CSMD1: variants seen among roughly 807,000 people sequenced by gnomAD.
CSMD1 encodes CUB and sushi domain-containing protein 1.
CSMD1 carries 213 observed loss-of-function variants against 417.5 expected under a neutral mutation model. The ratio of observed to expected loss-of-function variants is 0.51; its 90% CI spans 0.46 to 0.57. CSMD1 has a LOEUF of 0.57. Among genes scored for constraint, CSMD1 ranks in the 20% least tolerant of loss-of-function variants. CSMD1 has a pLI of 0.00. For synonymous variants in CSMD1, 2,862 were observed against 1,736.8 expected, an observed-to-expected ratio of 1.65 and a Z score of -16.11; for missense variants, 6,923 against 4,529.7, an observed-to-expected ratio of 1.53 and a Z score of -15.17.
intron 49 of CSMD1, among the ~76,000 whole-genome samples, chr8:3,055,558 C>G (rs1404470629): frequency 6.6e-6 from 1 of 152,136 alleles, no homozygotes; most frequent in Non-Finnish European, 1.5e-5. Context: ...CAAAATTTTG[C>G]ATGATTGCTA....
intron 10 of CSMD1, among the ~76,000 whole-genome samples, chr8:3,554,040 G>C (rs904147724): frequency 9.2e-5 from 14 of 152,154 alleles, no homozygotes; most frequent in African/African-American, 3.1e-4. Context: ...AAACATTATA[G>C]TTTTGAAAGA....
intron 4 of CSMD1, among the ~76,000 whole-genome samples, chr8:4,020,087 C>T (rs557673408): frequency 6.6e-6 from 1 of 152,084 alleles, no homozygotes; most frequent in African/African-American, 2.4e-5. Context: ...ATTATAGCAG[C>T]TGATATTTTT....
intron 5 of CSMD1, among the ~76,000 whole-genome samples, chr8:3,945,758 T>C (rs1359907019): frequency 2.0e-5 from 3 of 152,080 alleles, no homozygotes; most frequent in African/African-American, 7.2e-5. Context: ...AGAAATGGGC[T>C]GGAACTGGAG....
At chr8:4,663,298 G>T (rs550037229) in intron 1 of CSMD1, among the ~76,000 whole-genome samples, 2 of 152,152 alleles carry the variant, frequency 1.3e-5, no homozygotes, top group East Asian at 3.9e-4. Flanking sequence ...AGCAAACATT[G>T]GACAAAGCCC....
chr8:4,788,501 G>C, intron 1 of CSMD1: 3 of 1,365,380 alleles, frequency 2.2e-6, no homozygotes, highest in Non-Finnish European at 3.1e-6. Context: ...CAACCATTTA[G>C]TATGGAGCAA....
At chr8:3,324,847 G>T (rs17079975) in intron 23 of CSMD1, among the ~76,000 whole-genome samples, 2 of 152,034 alleles carry the variant, frequency 1.3e-5, no homozygotes. Flanking sequence ...GATCTTTGCA[G>T]ATTTCAAGCT....
At chr8:3,675,606 T>C (rs1051165561) in intron 7 of CSMD1, among the ~76,000 whole-genome samples, 1 of 151,872 alleles carries the variant, frequency 6.6e-6, no homozygotes, top group African/African-American at 2.4e-5. Context: ...CATGATGAGA[T>C]TAGCACCCTT....
chr8:3,880,842 C>T (rs141806087), intron 5 of CSMD1, among the ~76,000 whole-genome samples: 40 of 152,184 alleles, frequency 2.6e-4, no homozygotes, highest in African/African-American at 8.2e-4. Context: ...TAATGACCTG[C>T]GCATTTATAT....
At position 3,468,746 on chromosome 8, in the gene CSMD1, G is replaced by T; in HGVS notation, c.1527C>A (p.Ser509Arg). The change falls in exon 12 of 70, where the codon AGC becomes AGA. Residue 509 changes from serine (S) to arginine (R), a missense_variant. Coordinates refer to ENST00000635120, the MANE Select transcript of CSMD1 (RefSeq NM_033225.6). ...QMWLHLQSDD[S>R]IGSPGFKAVY... ...CAGCTTTAAACCCAGGTGAGCCAATGCTATCATCCGACTGCAGATGTAGCC... is the reference window on the plus strand; with the variant it reads ...CAGCTTTAAACCCAGGTGAGCCAATTCTATCATCCGACTGCAGATGTAGCC... 6.2e-7 allele frequency: 1 copy of T among 1,606,586 alleles called. No individual in the cohort carries two copies. The highest frequency in any genetic ancestry group is 8.5e-7 in the Non-Finnish European group (1 of 1,176,636).
intron 3 of CSMD1, among the ~76,000 whole-genome samples, chr8:4,122,421 C>G (rs1383461146): frequency 1.3e-5 from 2 of 152,150 alleles, no homozygotes; most frequent in Admixed American, 6.5e-5. Flanking sequence ...ATATGAACAA[C>G]AAACCTCTGA....
At chr8:3,960,960 T>A (rs1235317832) in intron 5 of CSMD1, among the ~76,000 whole-genome samples, 3 of 151,986 alleles carry the variant, frequency 2.0e-5, no homozygotes, top group African/African-American at 7.2e-5. Context: ...CTCTTAATAT[T>A]GTATGATTTA....
intron 1 of CSMD1, among the ~76,000 whole-genome samples, chr8:4,758,051 T>C (rs1156439435): frequency 6.6e-6 from 1 of 152,102 alleles, no homozygotes; most frequent in Non-Finnish European, 1.5e-5. Context: ...TAGGATATCT[T>C]CTTTCCTTCT....
chr8:3,429,069 T>TAACA (rs1814041112), intron 12 of CSMD1, among the ~76,000 whole-genome samples: 1 of 152,088 alleles, frequency 6.6e-6, no homozygotes, highest in Admixed American at 6.6e-5. Flanking sequence ...AGAGATGAGT[T>TAACA]AACAGGTGCA....
intron 3 of CSMD1, among the ~76,000 whole-genome samples, chr8:4,236,054 T>TTTTTTTTTTTTTTTTTTTTTTG (rs1802036972): frequency 1.6e-5 from 1 of 64,236 alleles, no homozygotes; most frequent in African/African-American, 4.7e-5. Flanking sequence ...TTTTTTTTTT[T>TTTTTTTTTTTTTTTTTTTTTTG]TTTTTTTTTT....
intron 3 of CSMD1, among the ~76,000 whole-genome samples, chr8:4,227,284 C>G (rs564536980): frequency 6.6e-6 from 1 of 152,144 alleles, no homozygotes; most frequent in African/African-American, 2.4e-5. Flanking sequence ...CACATATCCC[C>G]TCGGTCTGCC....
chr8:3,872,485 A>C (rs1267962658), intron 5 of CSMD1, among the ~76,000 whole-genome samples: 2 of 152,166 alleles, frequency 1.3e-5, no homozygotes, highest in Non-Finnish European at 2.9e-5. Context: ...AGGCAGGTAA[A>C]ATGTGCTCCC....
chr8:3,755,329 T>C (rs1206955280), intron 5 of CSMD1, among the ~76,000 whole-genome samples: 1 of 152,122 alleles, frequency 6.6e-6, no homozygotes. Context: ...GTATCAAGGG[T>C]CGAAAGATGA....
At chr8:3,535,189 A>T (rs1300706537) in intron 10 of CSMD1, among the ~76,000 whole-genome samples, 1 of 151,984 alleles carries the variant, frequency 6.6e-6, no homozygotes, top group Non-Finnish European at 1.5e-5. Context: ...CCTGGCCTGA[A>T]ATGATCCTTC....
intron 26 of CSMD1, among the ~76,000 whole-genome samples, chr8:3,267,479 C>T (rs993050932): frequency 1.3e-5 from 2 of 152,152 alleles, no homozygotes; most frequent in Non-Finnish European, 2.9e-5. Context: ...AAACAAGCTG[C>T]CAGGCGTGAG....
Sources: gnomAD v4.1 joint callset for allele counts (sites outside exome capture counted in the v4.1 genomes callset) on GRCh38, gnomAD v4.1.1 for gene constraint, MANE v1.5 for transcripts, NCBI Gene and HGNC (gene_info 2026-07-23, HGNC 2026-07-21) for gene names.